SNTG1: variants seen among roughly 807,000 people sequenced by gnomAD.
SNTG1 encodes syntrophin gamma 1, also known as gamma-1-syntrophin.
A neutral mutation model predicts 74.7 loss-of-function variants in SNTG1; 39 were observed. The ratio of observed to expected loss-of-function variants is 0.52; its 90% confidence interval spans 0.40 to 0.68. SNTG1 has a LOEUF of 0.68. SNTG1 is among the 30% of genes least tolerant of loss of function. The probability of loss-of-function intolerance (pLI) is 0.00; values close to 1 mark genes in which losing one functional copy is unlikely to be tolerated. For synonymous variants in SNTG1, 254 were observed against 217.1 expected, an observed-to-expected ratio of 1.17 and a Z score of -1.49; for missense variants, 685 against 609.5, an observed-to-expected ratio of 1.12 and a Z score of -1.30.
chr8:50,263,898 A>G (rs1172977940), intron 2 of SNTG1, among the ~76,000 whole-genome samples: 5 of 152,206 alleles, frequency 3.3e-5, no homozygotes, highest in African/African-American at 1.2e-4. Flanking sequence ...ATTCAAGAAC[A>G]CATGAAACAT....
chr8:50,027,804 T>C (rs1817395128), intron 1 of SNTG1, among the ~76,000 whole-genome samples: 1 of 152,222 alleles, frequency 6.6e-6, no homozygotes, highest in African/African-American at 2.4e-5. Flanking sequence ...CTGTTCAGAC[T>C]ATATAAGAAG....
At chr8:50,298,673 T>G (rs1267308039) in intron 2 of SNTG1, among the ~76,000 whole-genome samples, 1 of 152,138 alleles carries the variant, frequency 6.6e-6, no homozygotes, top group Non-Finnish European at 1.5e-5. Context: ...TCAATTCAAT[T>G]TTATTACCCT....
At chr8:50,253,002 T>C (rs1163140184) in intron 2 of SNTG1, among the ~76,000 whole-genome samples, 2 of 152,160 alleles carry the variant, frequency 1.3e-5, no homozygotes, top group Non-Finnish European at 2.9e-5. Flanking sequence ...AAGTAGAATG[T>C]CTATTATATA....
intron 1 of SNTG1, among the ~76,000 whole-genome samples, chr8:50,153,621 AGTCAGGACCCTCAGCTGCAG>A (rs1223379105): frequency 1.3e-5 from 2 of 152,172 alleles, no homozygotes; most frequent in Non-Finnish European, 2.9e-5. Flanking sequence ...TCCTTCTACC[AGTCAGGACCCTCAGCTGCAG>A]GTCTGCTGGA....
chr8:50,724,028 G>A (rs992774547), intron 17 of SNTG1, among the ~76,000 whole-genome samples: 1 of 152,148 alleles, frequency 6.6e-6, no homozygotes, highest in African/African-American at 2.4e-5. Flanking sequence ...GGCAGGGTGA[G>A]GAAGAGGGAG....
At chr8:50,008,137 A>G (rs318922) in intron 1 of SNTG1, among the ~76,000 whole-genome samples, 15,242 of 150,058 alleles carry the variant, frequency 0.1, 2,006 homozygotes, top group African/African-American at 0.31. Flanking sequence ...ATTTAAAAGA[A>G]TTTATGGAAA....
intron 2 of SNTG1, among the ~76,000 whole-genome samples, chr8:50,211,699 A>G (rs1375062294): frequency 2.6e-5 from 4 of 152,142 alleles, no homozygotes; most frequent in African/African-American, 9.6e-5. Flanking sequence ...TTTAAAAGAG[A>G]GATATCAAAC....
chr8:50,225,785 G>A lies in SNTG1; in HGVS notation c.-28+53150G>A, dbSNP rs546898193. On this transcript the variant is annotated intron_variant, in intron 2 of 18. Transcript: ENST00000642720. ...ACACATTAGACACTTGCCAATTCAT[G>A]AATGGAATACGTTTTTAGATAACAA... is the stretch of plus-strand genomic sequence containing the variant. 1.3e-4 allele frequency among the ~76,000 whole-genome samples: 20 copies of A among 152,308 alleles called. No individual in the cohort carries two copies. The Middle Eastern group carries it at 0.01, about 78-fold the overall frequency.
At chr8:50,370,007 A>G (rs562981965) in intron 2 of SNTG1, among the ~76,000 whole-genome samples, 1 of 152,278 alleles carries the variant, frequency 6.6e-6, no homozygotes, top group South Asian at 2.1e-4. Context: ...GATATGCAGA[A>G]TATCACCATT....
intron 9 of SNTG1, among the ~76,000 whole-genome samples, chr8:50,525,541 A>G (rs2094213130): frequency 6.6e-6 from 1 of 152,044 alleles, no homozygotes; most frequent in South Asian, 2.1e-4. Context: ...TAAATCTCTT[A>G]GCATTTCTTC....
rs555367279 is a variant in SNTG1 at position 50,372,452 on chromosome 8, TAGA to T, written c.-27-21754_-27-21752del. ...TATTGTTACGCTAGTGTCTCTGTGGTAGAAGAAGTTCTGGTATTTCCTATTCTG... is the reference window on the plus strand; with the variant it reads ...TATTGTTACGCTAGTGTCTCTGTGGTAGAAGTTCTGGTATTTCCTATTCTG... On this transcript the variant is annotated intron_variant, in intron 2 of 18. Transcript: ENST00000642720. 1.6e-4 allele frequency among the ~76,000 whole-genome samples: 25 copies of T among 152,292 alleles called. No individual in the cohort carries two copies. The South Asian group carries it at 5.2e-3, about 32-fold the overall frequency.
intron 3 of SNTG1, among the ~76,000 whole-genome samples, chr8:50,399,383 TG>T (rs1312746722): frequency 2.0e-5 from 3 of 152,234 alleles, no homozygotes; most frequent in Non-Finnish European, 4.4e-5. Context: ...TTTAAGTGAA[TG>T]ATAGCTTTGG....
At chr8:50,716,649 T>C (rs950444064) in intron 17 of SNTG1, among the ~76,000 whole-genome samples, 1 of 152,150 alleles carries the variant, frequency 6.6e-6, no homozygotes, top group African/African-American at 2.4e-5. Flanking sequence ...AAAAAGTATT[T>C]TGAATGACAT....
At chr8:50,217,015 A>T (rs2084821335) in intron 2 of SNTG1, among the ~76,000 whole-genome samples, 1 of 151,300 alleles carries the variant, frequency 6.6e-6, no homozygotes. Context: ...TAAAATATAT[A>T]TATATTTATA....
At chr8:50,125,823 C>T (rs541902593) in intron 1 of SNTG1, among the ~76,000 whole-genome samples, 26 of 152,188 alleles carry the variant, frequency 1.7e-4, no homozygotes, top group Middle Eastern at 6.8e-3. Context: ...AAATGCTGAT[C>T]GTATGGCATG....
intron 13 of SNTG1, among the ~76,000 whole-genome samples, chr8:50,627,559 C>T (rs2094964928): frequency 6.6e-6 from 1 of 151,940 alleles, no homozygotes; most frequent in Admixed American, 6.6e-5. Context: ...CAGTGTTAGG[C>T]ATTCTGTTAT....
Position 50,100,890 on chromosome 8 carries a change from C to T in SNTG1, c.-102-71671C>T, listed in dbSNP as rs2157737. Among the ~76,000 whole-genome samples, 37 of 152,118 alleles carry T rather than the reference C, an allele frequency of 2.4e-4. 1 individual carries two copies. The highest frequency in any genetic ancestry group is 1.4e-3 in the Admixed American group (21 of 15,260). On this transcript the variant is annotated intron_variant, in intron 1 of 18. Coordinates refer to ENST00000642720, the MANE Select transcript of SNTG1 (RefSeq NM_018967.5). ...AGATTATTTCATCACCCAAGTGAGA[C>T]GCATAGTACCCAATAGTCAGTTTTT...
chr8:50,529,026 T>A (rs905994727), intron 9 of SNTG1, among the ~76,000 whole-genome samples: 5 of 151,926 alleles, frequency 3.3e-5, no homozygotes, highest in Non-Finnish European at 5.9e-5. Flanking sequence ...TTGGTGTATG[T>A]ATTTAAACAT....
intron 2 of SNTG1, among the ~76,000 whole-genome samples, chr8:50,235,726 T>C (rs1563778283): frequency 6.6e-6 from 1 of 152,160 alleles, no homozygotes; most frequent in African/African-American, 2.4e-5. Context: ...AAAACAATTA[T>C]GATTCTCTTC....
Sources: allele counts gnomAD v4.1 joint callset (sites outside exome capture counted in the v4.1 genomes callset), GRCh38; gene constraint gnomAD v4.1.1; transcripts MANE v1.5; gene names NCBI Gene and HGNC (gene_info 2026-07-23, HGNC 2026-07-21).